The following ACER1 variants were observed in gnomAD, a reference collection of about 807,000 sequenced individuals.
ACER1 encodes the protein CTB-180A7.3.
Under a neutral mutation model 24.9 loss-of-function variants are expected in ACER1, and 28 were observed. The observed-to-expected ratio is 1.13, with a 90% CI of 0.83 to 1.54. The LOEUF (loss-of-function observed/expected upper bound fraction) is 1.54. ACER1 is among the 40% of genes most tolerant of loss of function. The probability of loss-of-function intolerance (pLI) is 0.00; values close to 1 mark genes in which losing one functional copy is unlikely to be tolerated. For synonymous variants in ACER1, 132 were observed against 131.4 expected (o/e 1.00, Z -0.03); for missense variants, 352 against 349.3 (o/e 1.01, Z -0.06).
chr19:6,315,352 C>T (rs1230069877), intron 1 of ACER1, among the ~76,000 whole-genome samples: 1 of 151,850 alleles, frequency 6.6e-6, no homozygotes, highest in Non-Finnish European at 1.5e-5. Context: ...TACAAGCATG[C>T]ACCACCATGT....
the ACER1 span, among the ~76,000 whole-genome samples, chr19:6,356,161 G>T: frequency 0.014 from 2,094 of 147,018 alleles, 64 homozygotes; most frequent in African/African-American, 0.053. Flanking sequence ...CCTGTTGATC[G>T]GTGACCTTAC....
chr19:6,322,455 C>G (rs2091635677), intron 1 of ACER1, among the ~76,000 whole-genome samples: 1 of 152,036 alleles, frequency 6.6e-6, no homozygotes, highest in African/African-American at 2.4e-5. Flanking sequence ...CTGTCTTTCC[C>G]CAAACTCCTA....
At chr19:6,350,684 AG>A in the ACER1 span, among the ~76,000 whole-genome samples, 1 of 121,364 alleles carries the variant, frequency 8.2e-6, no homozygotes, top group African/African-American at 3.2e-5. Flanking sequence ...GGAAGGAAGG[AG>A]AAGAAAAAAG....
At chr19:6,357,999 G>T in the ACER1 span, among the ~76,000 whole-genome samples, 1 of 152,162 alleles carries the variant, frequency 6.6e-6, no homozygotes, top group Non-Finnish European at 1.5e-5. Context: ...CAGGCAGGGG[G>T]TGCAGGGCAG....
At chr19:6,347,131 T>TATATAA in the ACER1 span, among the ~76,000 whole-genome samples, 4,443 of 133,612 alleles carry the variant, frequency 0.033, 165 homozygotes, top group East Asian at 0.17. Flanking sequence ...TATATATATA[T>TATATAA]AAAATAATAA....
At position 6,307,306 on chromosome 19, in the gene ACER1, G is replaced by C; in HGVS notation, c.489-16C>G. 6.2e-7 allele frequency: 1 copy of C among 1,613,344 alleles called. No individual in the cohort carries two copies. The highest frequency in any genetic ancestry group is 8.5e-7 in the Non-Finnish European group (1 of 1,179,858). On this transcript the variant is annotated splice_polypyrimidine_tract_variant and intron_variant, in intron 4 of 5. Transcript: ENST00000301452. Reference sequence around the variant, plus strand: ...ATTGCTGGTCCTAGAGAGGGGAGAGGGGGACCAGGGGCTGGCTCGGAGAGC... The same window carrying C: ...ATTGCTGGTCCTAGAGAGGGGAGAGCGGGACCAGGGGCTGGCTCGGAGAGC...
chr19:6,319,734 G>GC (rs2091621048), intron 1 of ACER1, among the ~76,000 whole-genome samples: 1 of 152,032 alleles, frequency 6.6e-6, no homozygotes, highest in East Asian at 1.9e-4. Context: ...TGTGTGTTTT[G>GC]CCCCCTCCCC....
intron 3 of ACER1, among the ~76,000 whole-genome samples, chr19:6,311,643 AAGAAGGAGAAGGAGG>A (rs1366334231): frequency 1.6e-4 from 24 of 148,332 alleles, no homozygotes; most frequent in South Asian, 8.5e-4. Context: ...GAAGAAGAAG[AAGAAGGAGAAGGAGG>A]AGGAGAAGGA....
chr19:6,349,246 G>A, the ACER1 span, among the ~76,000 whole-genome samples: 1 of 151,854 alleles, frequency 6.6e-6, no homozygotes, highest in Non-Finnish European at 1.5e-5. Flanking sequence ...AGAAGCAGAG[G>A]CAGGTGGATG....
the ACER1 span, among the ~76,000 whole-genome samples, chr19:6,344,467 T>C: frequency 6.6e-6 from 1 of 151,886 alleles, no homozygotes; most frequent in Admixed American, 6.6e-5. Flanking sequence ...TTTATTTATT[T>C]ATTAAATAAA....
At chr19:6,340,701 C>T in the ACER1 span, among the ~76,000 whole-genome samples, 20 of 152,114 alleles carry the variant, frequency 1.3e-4, no homozygotes, top group African/African-American at 4.6e-4. Flanking sequence ...CTGGCACCCA[C>T]GCCCAGCCCA....
the ACER1 span, among the ~76,000 whole-genome samples, chr19:6,358,252 A>G: frequency 2.0e-5 from 3 of 152,074 alleles, no homozygotes; most frequent in African/African-American, 7.2e-5. Context: ...CTGAGCCCAA[A>G]TGCCGGCTTT....
At chr19:6,310,458 C>A (rs1433215542) in intron 3 of ACER1, among the ~76,000 whole-genome samples, 1 of 152,052 alleles carries the variant, frequency 6.6e-6, no homozygotes, top group East Asian at 1.9e-4. Flanking sequence ...GTAATCCCAG[C>A]TACTCAGGAG....
chr19:6,338,366 G>T (rs1214024377), upstream of ACER1, among the ~76,000 whole-genome samples: 2 of 152,154 alleles, frequency 1.3e-5, no homozygotes, highest in Non-Finnish European at 2.9e-5. Flanking sequence ...GCATAGATTT[G>T]CTCCCATTTT....
At chr19:6,325,181 C>T (rs1418546298) in intron 1 of ACER1, among the ~76,000 whole-genome samples, 2 of 152,290 alleles carry the variant, frequency 1.3e-5, no homozygotes, top group Admixed American at 1.3e-4. Context: ...CACCCCATGG[C>T]TCCCCAGGGC....
At chr19:6,346,615 G>A in the ACER1 span, among the ~76,000 whole-genome samples, 7 of 149,984 alleles carry the variant, frequency 4.7e-5, no homozygotes, top group African/African-American at 1.5e-4. Context: ...CTCCTGGCTG[G>A]AGCAATCATC....
intron 1 of ACER1, among the ~76,000 whole-genome samples, chr19:6,329,898 T>C (rs968102494): frequency 6.6e-6 from 1 of 150,650 alleles, no homozygotes; most frequent in Non-Finnish European, 1.5e-5. Context: ...TGAGATGGAG[T>C]CTTGCTCTGT....
the ACER1 span, among the ~76,000 whole-genome samples, chr19:6,356,468 T>TTAAA: frequency 6.1e-5 from 9 of 147,296 alleles, no homozygotes; most frequent in African/African-American, 2.1e-4. Context: ...GAATGATCAA[T>TTAAA]AAAAAAATAA....
chr19:6,308,561 G>C (rs772795694), intron 4 of ACER1, among the ~76,000 whole-genome samples: 1 of 152,118 alleles, frequency 6.6e-6, no homozygotes, highest in Non-Finnish European at 1.5e-5. Flanking sequence ...GTAAGTGGCA[G>C]AGCTGGGATC....
Sources: gnomAD v4.1 joint callset for allele counts (sites outside exome capture counted in the v4.1 genomes callset) on GRCh38, gnomAD v4.1.1 for gene constraint, MANE v1.5 for transcripts, NCBI Gene and HGNC (gene_info 2026-07-23, HGNC 2026-07-21) for gene names.